The following ZFHX3 variants were observed in gnomAD, a reference collection of about 807,000 sequenced individuals.
ZFHX3 encodes the protein zinc finger homeobox protein 3.
ZFHX3 carries 42 observed loss-of-function variants against 279.1 expected under a neutral mutation model. The ratio of observed to expected loss-of-function variants is 0.15; its 90% CI spans 0.12 to 0.19. The LOEUF (loss-of-function observed/expected upper bound fraction) is 0.19. Among genes scored for constraint, ZFHX3 ranks in the 10% least tolerant of loss-of-function variants. ZFHX3 has a pLI of 1.00. For missense variants in ZFHX3, 4,981 were observed against 4,754.0 expected, an observed-to-expected ratio of 1.05 and a Z score of -1.40; for synonymous variants, 2,293 against 1,957.8, an observed-to-expected ratio of 1.17 and a Z score of -4.52.
intron 2 of ZFHX3, chr16:73,487,319 A>C (rs1034376959): frequency 9.2e-6 from 3 of 327,004 alleles, no homozygotes; most frequent in Non-Finnish European, 1.8e-5. Context: ...GCAGTTACTC[A>C]AATGTCTTCT....
intron 3 of ZFHX3, among the ~76,000 whole-genome samples, chr16:73,344,313 T>C (rs892886220): frequency 1.3e-5 from 2 of 152,124 alleles, no homozygotes; most frequent in African/African-American, 2.4e-5. Context: ...CAAACCCAAA[T>C]TGAGTAACCT....
rs146433301 is a variant in ZFHX3 at position 73,762,497 on chromosome 16, A to C, written c.-1607-82257T>G. ...ACTGGGAATATAACCAAAGTAATAT[A>C]AATTATTCTATTATAAAGATACATG... is the stretch of plus-strand genomic sequence containing the variant. On this transcript the variant is annotated intron_variant, in intron 1 of 17. Coordinates refer to the ZFHX3 transcript ENST00000641206. Among the ~76,000 whole-genome samples the C allele has an allele frequency of 2.6e-3, 399 of 152,332 alleles. 2 individuals carry two copies. The highest frequency in any genetic ancestry group is 9.1e-3 in the African/African-American group (378 of 41,586).
intron 4 of ZFHX3, among the ~76,000 whole-genome samples, chr16:73,316,943 T>C (rs1342225671): frequency 1.3e-5 from 2 of 152,166 alleles, no homozygotes; most frequent in African/African-American, 4.8e-5. Context: ...GTTGGCCCTT[T>C]TGTGAGATGT....
chr16:73,409,972 G>C lies in ZFHX3; in HGVS notation c.-1291+46031C>G, dbSNP rs201765864. ...GTTGATGGTTACCAGAGGCTGGGAA[G>C]GGTAGTGGGTGGGGCAGGGGGGTGG... On this transcript the variant is annotated intron_variant, in intron 3 of 17. Transcript: ENST00000641206. Among the ~76,000 whole-genome samples, 57 of 152,106 alleles carry C rather than the reference G, an allele frequency of 3.7e-4. No homozygotes were observed. The East Asian group carries it at 7.0e-3, about 19-fold the overall frequency.
intron 3 of ZFHX3, among the ~76,000 whole-genome samples, chr16:73,439,438 T>C (rs2018049006): frequency 6.6e-6 from 1 of 151,896 alleles, no homozygotes; most frequent in Non-Finnish European, 1.5e-5. Context: ...GGACATGGAA[T>C]CCTCCAGCCC....
chr16:73,335,710 A>C (rs2015899437), intron 3 of ZFHX3, among the ~76,000 whole-genome samples: 1 of 152,082 alleles, frequency 6.6e-6, no homozygotes, highest in Non-Finnish European at 1.5e-5. Flanking sequence ...CAACATCATG[A>C]GCTTTTGTGA....
intron 1 of ZFHX3, among the ~76,000 whole-genome samples, chr16:72,971,463 G>A (rs1962101757): frequency 6.6e-6 from 1 of 152,220 alleles, no homozygotes; most frequent in African/African-American, 2.4e-5. Context: ...CTGAGGCTTA[G>A]AGAGTTAAGT....
intron 2 of ZFHX3, among the ~76,000 whole-genome samples, chr16:73,633,132 G>C (rs182031341): frequency 2.0e-5 from 3 of 152,208 alleles, no homozygotes; most frequent in Non-Finnish European, 4.4e-5. Flanking sequence ...TAATTTCTAT[G>C]TTTCAAACAT....
At chr16:73,128,898 C>A (rs1455186614) in intron 7 of ZFHX3, among the ~76,000 whole-genome samples, 1 of 152,176 alleles carries the variant, frequency 6.6e-6, no homozygotes, top group Non-Finnish European at 1.5e-5. Flanking sequence ...GATGGTAACA[C>A]TCACCTCATG....
At chr16:73,546,685 G>GCTT (rs1158437386) in intron 2 of ZFHX3, among the ~76,000 whole-genome samples, 1 of 68,744 alleles carries the variant, frequency 1.5e-5, no homozygotes, top group Non-Finnish European at 2.5e-5. Context: ...TGCTGCTGCT[G>GCTT]CTGCTGCTGC....
chr16:73,491,127 C>T (rs2019050534), intron 2 of ZFHX3, among the ~76,000 whole-genome samples: 1 of 152,218 alleles, frequency 6.6e-6, no homozygotes, highest in Non-Finnish European at 1.5e-5. Flanking sequence ...GCTGTGGTAA[C>T]AAATAAACCC....
At chr16:73,122,617 A>T (rs996319664) in intron 7 of ZFHX3, among the ~76,000 whole-genome samples, 2 of 152,172 alleles carry the variant, frequency 1.3e-5, no homozygotes, top group Non-Finnish European at 2.9e-5. Flanking sequence ...TTGGGGGGCC[A>T]TCAGGGGATT....
At chr16:73,080,639 T>C (rs1055487827) in intron 8 of ZFHX3, among the ~76,000 whole-genome samples, 1 of 152,092 alleles carries the variant, frequency 6.6e-6, no homozygotes, top group African/African-American at 2.4e-5. Context: ...AGTAGTATGA[T>C]CAGAGCTCAC....
At chr16:73,308,875 G>C (rs563788922) in intron 4 of ZFHX3, among the ~76,000 whole-genome samples, 1 of 150,736 alleles carries the variant, frequency 6.6e-6, no homozygotes, top group East Asian at 1.9e-4. Flanking sequence ...AGATATGTAA[G>C]TTAAGTACAA....
chr16:73,156,231 C>CAAAAAA (rs60993308), intron 5 of ZFHX3, among the ~76,000 whole-genome samples: 2 of 88,524 alleles, frequency 2.3e-5, no homozygotes, highest in African/African-American at 4.1e-5. Context: ...GACTCCCTCT[C>CAAAAAA]AAAAAAAAAA....
Position 73,167,830 on chromosome 16 carries a change from G to A in ZFHX3, c.-1103-23999C>T, listed in dbSNP as rs372833136. Among the ~76,000 whole-genome samples the A allele has an allele frequency of 8.9e-4, 135 of 152,238 alleles. 1 individual carries two copies. In the Middle Eastern group the frequency reaches 0.014, roughly 15 times the overall value. ...TTTGCCTTCGGATTTTCACCTACCC[G>A]CTTGAACCTTTTCAGACACTTCTGT... On this transcript the variant is annotated intron_variant, in intron 5 of 17. Transcript: ENST00000641206.
At chr16:73,861,541 T>G (rs1961881303) in intron 1 of ZFHX3, among the ~76,000 whole-genome samples, 1 of 152,148 alleles carries the variant, frequency 6.6e-6, no homozygotes, top group African/African-American at 2.4e-5. Context: ...ATATCCTAGA[T>G]AGTTTCTTGG....
chr16:73,615,453 G>A (rs751138286), intron 2 of ZFHX3, among the ~76,000 whole-genome samples: 6 of 152,144 alleles, frequency 3.9e-5, no homozygotes, highest in African/African-American at 7.2e-5. Context: ...TTTCTCAAAG[G>A]GGCTGGTAAC....
At chr16:72,835,421 T>C (rs963515361) in intron 4 of ZFHX3, among the ~76,000 whole-genome samples, 1 of 152,120 alleles carries the variant, frequency 6.6e-6, no homozygotes, top group Admixed American at 6.6e-5. Context: ...TGAAATAGCC[T>C]GCAGCTGTCA....
Sources: allele counts gnomAD v4.1 joint callset (sites outside exome capture counted in the v4.1 genomes callset), GRCh38; gene constraint gnomAD v4.1.1; transcripts MANE v1.5; gene names NCBI Gene and HGNC (gene_info 2026-07-23, HGNC 2026-07-21).